Variants in IKZF1 observed in about 807,000 individuals in gnomAD.
IKZF1 encodes IKAROS family zinc finger 1.
IKZF1 carries 10 observed loss-of-function variants against 51.7 expected under a neutral mutation model. That is an observed-to-expected ratio of 0.19 (90% CI 0.12 to 0.33). IKZF1 has a LOEUF of 0.33. Among genes scored for constraint, IKZF1 ranks in the 10% least tolerant of loss-of-function variants. The probability of loss-of-function intolerance (pLI) is 1.00; values close to 1 mark genes in which losing one functional copy is unlikely to be tolerated. For missense variants in IKZF1, 484 were observed against 707.5 expected (o/e 0.68, Z 3.58); for synonymous variants, 280 against 282.3 (o/e 0.99, Z 0.08).
chr7:50,340,510 C>G (rs936755818), intron 3 of IKZF1, among the ~76,000 whole-genome samples: 54 of 152,352 alleles, frequency 3.5e-4, no homozygotes, highest in African/African-American at 1.3e-3. Flanking sequence ...TGGCTGTTCT[C>G]TTTTTCAGAG....
rs143814770 is a variant in IKZF1, at chr7:50,362,590, G to T, written c.161-13943G>T. 1.2e-3 allele frequency among the ~76,000 whole-genome samples: 187 copies of T among 152,272 alleles called. 1 individual carries two copies. In the Middle Eastern group the frequency reaches 0.014, roughly 11 times the overall value. The stretch of plus-strand genomic sequence containing the variant: ...GCTTTCTACTAAAACATGAGCTACA[G>T]GGCTCTCTTTTTTGTTTTAAAGCAT... On this transcript the variant is annotated intron_variant, in intron 3 of 7. Transcript: ENST00000331340.
Position 50,403,713 on chromosome 7 carries a change from A to G in IKZF1, c.*3086A>G, listed in dbSNP as rs1484959950. 4.4e-6 allele frequency: 1 copy of G among 228,838 alleles called. No individual in the cohort carries two copies. The highest frequency in any genetic ancestry group is 8.7e-6 in the Non-Finnish European group (1 of 115,290). The allele number at this position is 228,838 out of a possible 1,614,324, so 14.2% of individuals were successfully genotyped here. On this transcript the variant is annotated 3_prime_UTR_variant, in exon 8 of 8. Transcript: ENST00000331340. ...CACATACCAGCATGTTCCATTTCCA[A>G]TTTAGAATTAGCCACATAATAAAAT... is the stretch of plus-strand genomic sequence containing the variant.
intron 2 of IKZF1, among the ~76,000 whole-genome samples, chr7:50,327,030 T>C (rs1364645171): frequency 1.3e-5 from 2 of 152,154 alleles, no homozygotes; most frequent in Non-Finnish European, 2.9e-5. Flanking sequence ...GGAATAAGCT[T>C]ACAGGGGGAA....
intron 3 of IKZF1, among the ~76,000 whole-genome samples, chr7:50,354,732 A>G (rs886100332): frequency 3.3e-5 from 5 of 151,888 alleles, no homozygotes; most frequent in African/African-American, 1.2e-4. Flanking sequence ...TTTTAAAGTA[A>G]CCAACCCATA....
At position 50,400,844 on chromosome 7, in the gene IKZF1, G is replaced by A. The variant is rs1817993444; in HGVS notation, c.*217G>A. ...TTTTAGAGGCAGGGCTGCATTGGGA[G>A]CATCCAGAACTGCTACCTTCCTAGA... On this transcript the variant is annotated 3_prime_UTR_variant, in exon 8 of 8. Transcript: ENST00000331340. The surrounding 1 kb of genome is among the most constrained non-coding windows in gnomAD (Gnocchi z 5.4). The A allele has an allele frequency of 1.6e-6, 1 of 630,912 alleles. No individual in the cohort carries two copies. The highest frequency in any genetic ancestry group is 3.1e-5 in the Admixed American group (1 of 31,970). The allele number at this position is 630,912 out of a possible 1,614,324, so 39.1% of individuals were successfully genotyped here.
chr7:50,370,137 T>A (rs1808228162), intron 3 of IKZF1, among the ~76,000 whole-genome samples: 1 of 152,248 alleles, frequency 6.6e-6, no homozygotes, highest in Non-Finnish European at 1.5e-5. Flanking sequence ...TGTACCATTT[T>A]TCAAGTAAAA....
In IKZF1 at chr7:50,402,345, T is replaced by C. The variant is rs145145219; in HGVS notation, c.*1718T>C. 1 of 230,592 alleles carries C rather than the reference T, an allele frequency of 4.3e-6. No homozygotes were observed. The highest frequency in any genetic ancestry group is 6.1e-5 in the East Asian group (1 of 16,368). The allele number at this position is 230,592 out of a possible 1,614,324, so 14.3% of individuals were successfully genotyped here. A position where few individuals can be genotyped will look rare whatever the true frequency, so the allele number is the denominator to read the frequency against. On this transcript the variant is annotated 3_prime_UTR_variant, in exon 8 of 8. Transcript: ENST00000331340. ...CAGCACTATGACATTTTGGGCTGACTACTTATTTGTTAGGCGGGAGCTCTC... is the reference window on the plus strand; with the variant it reads ...CAGCACTATGACATTTTGGGCTGACCACTTATTTGTTAGGCGGGAGCTCTC...
chr7:50,372,258 A>G (rs1426999064), intron 3 of IKZF1, among the ~76,000 whole-genome samples: 3 of 152,220 alleles, frequency 2.0e-5, no homozygotes, highest in Non-Finnish European at 2.9e-5. Context: ...TTCCGCAAAG[A>G]AAAGAGGAGC....
intron 7 of IKZF1, among the ~76,000 whole-genome samples, chr7:50,392,192 A>G (rs1458112587): frequency 6.6e-6 from 1 of 152,186 alleles, no homozygotes; most frequent in African/African-American, 2.4e-5. Flanking sequence ...GGGACACCAC[A>G]CTGCAGGACA....
chr7:50,349,440 T>G (rs1019375972), intron 3 of IKZF1, among the ~76,000 whole-genome samples: 4 of 152,216 alleles, frequency 2.6e-5, no homozygotes, highest in African/African-American at 9.7e-5. Flanking sequence ...ACGTGTATTA[T>G]GTACCTATAA....
intron 3 of IKZF1, among the ~76,000 whole-genome samples, chr7:50,360,692 T>C (rs1008204373): frequency 6.6e-6 from 1 of 152,258 alleles, no homozygotes; most frequent in African/African-American, 2.4e-5. Context: ...CAAAGGCTCT[T>C]GCCTTGTGGC....
chr7:50,389,983 A>G (rs753593281), intron 6 of IKZF1, among the ~76,000 whole-genome samples: 16 of 152,348 alleles, frequency 1.1e-4, no homozygotes, highest in Non-Finnish European at 1.9e-4. Context: ...GCAATATAGG[A>G]AAAGATGAAT....
chr7:50,360,751 G>A (rs1230591944), intron 3 of IKZF1, among the ~76,000 whole-genome samples: 2 of 152,334 alleles, frequency 1.3e-5, no homozygotes, highest in East Asian at 1.9e-4. Flanking sequence ...GCCCCATGTC[G>A]TCCCTTCCGC....
At chr7:50,399,551 C>T (rs1005688416) in intron 7 of IKZF1, among the ~76,000 whole-genome samples, 6 of 152,200 alleles carry the variant, frequency 3.9e-5, no homozygotes, top group African/African-American at 1.4e-4. Flanking sequence ...ACTGAAAAAG[C>T]ATCATTTCAA....
chr7:50,345,278 A>G (rs1262615111), intron 3 of IKZF1, among the ~76,000 whole-genome samples: 2 of 152,192 alleles, frequency 1.3e-5, no homozygotes, highest in South Asian at 2.1e-4. Flanking sequence ...TAAAAACTAT[A>G]AAGAAATCTG....
rs192886981 is a variant in IKZF1, at chr7:50,365,909, G to A, written c.161-10624G>A. 2.4e-3 allele frequency among the ~76,000 whole-genome samples: 361 copies of A among 152,314 alleles called. 2 individuals carry two copies. The highest frequency in any genetic ancestry group is 8.4e-3 in the African/African-American group (349 of 41,562). On this transcript the variant is annotated intron_variant, in intron 3 of 7. Coordinates refer to ENST00000331340, the MANE Select transcript of IKZF1 (RefSeq NM_006060.6). ...CAATGATAGACTGGATAAAGAAAAT[G>A]TGGTACATATACCCCATGGAATACT...
chr7:50,329,183 C>A (rs781219188), intron 3 of IKZF1, among the ~76,000 whole-genome samples: 1 of 150,460 alleles, frequency 6.6e-6, no homozygotes, highest in Non-Finnish European at 1.5e-5. Context: ...TTTAACTCAG[C>A]AGCACAGTTA....
chr7:50,397,658 C>T (rs769306254), intron 7 of IKZF1, among the ~76,000 whole-genome samples: 4 of 152,220 alleles, frequency 2.6e-5, no homozygotes, highest in Non-Finnish European at 5.9e-5. Flanking sequence ...TGGATTCATT[C>T]TTCTCTGGAG....
At chr7:50,307,227 G>A (rs1489802395) in intron 1 of IKZF1, among the ~76,000 whole-genome samples, 1 of 152,090 alleles carries the variant, frequency 6.6e-6, no homozygotes, top group Admixed American at 6.5e-5. Context: ...TGTGGTTAAC[G>A]AAGAATTCAT....
Sources: gnomAD v4.1 joint callset for allele counts (sites outside exome capture counted in the v4.1 genomes callset) on GRCh38, gnomAD v4.1.1 for gene constraint, Gnocchi (gnomAD v3.1) non-coding constraint, MANE v1.5 for transcripts, NCBI Gene and HGNC (gene_info 2026-07-23, HGNC 2026-07-21) for gene names.